Variants in LYPD6B observed in about 807,000 individuals in gnomAD.
The protein encoded by LYPD6B is ly6/PLAUR domain-containing protein 6B.
In LYPD6B, 17 loss-of-function variants were observed where a neutral mutation model predicts 22.8. That is an observed-to-expected ratio of 0.75 (90% CI 0.51 to 1.12). The LOEUF (loss-of-function observed/expected upper bound fraction) is 1.12, where lower values mean the gene tolerates loss of function less well. LYPD6B is among the 50% of genes most tolerant of loss of function. LYPD6B has a pLI of 0.00. For synonymous variants in LYPD6B, 106 were observed against 91.6 expected (o/e 1.16, Z -0.90); for missense variants, 221 against 258.3 (o/e 0.86, Z 0.99).
intron 1 of LYPD6B, among the ~76,000 whole-genome samples, chr2:149,103,038 C>G (rs1686289309): frequency 6.6e-6 from 1 of 152,188 alleles, no homozygotes; most frequent in Non-Finnish European, 1.5e-5. Context: ...CTTCTATGTA[C>G]ACATACACCA....
chr2:149,075,606 A>G (rs559741064), intron 1 of LYPD6B, among the ~76,000 whole-genome samples: 1 of 152,324 alleles, frequency 6.6e-6, no homozygotes, highest in Non-Finnish European at 1.5e-5. Flanking sequence ...ATTTTTTGTA[A>G]GTGAAGGAAT....
intron 3 of LYPD6B, among the ~76,000 whole-genome samples, chr2:149,169,505 T>C (rs1690676434): frequency 6.6e-6 from 1 of 152,178 alleles, no homozygotes; most frequent in Non-Finnish European, 1.5e-5. Flanking sequence ...TGTGTTTGGC[T>C]TGTTTCAAAA....
chr2:149,126,866 A>T (rs981618971), intron 1 of LYPD6B, among the ~76,000 whole-genome samples: 1 of 151,044 alleles, frequency 6.6e-6, no homozygotes, highest in African/African-American at 2.4e-5. Flanking sequence ...TCTGTGCTTC[A>T]TGCCTCTTAA....
chr2:149,186,594 C>A (rs571661145), intron 3 of LYPD6B, among the ~76,000 whole-genome samples: 1 of 152,288 alleles, frequency 6.6e-6, no homozygotes, highest in Admixed American at 6.5e-5. Flanking sequence ...CACTAAACAA[C>A]AGTTTTTTGT....
chr2:149,140,408 A>G (rs73017041), intron 2 of LYPD6B, among the ~76,000 whole-genome samples: 1,716 of 152,264 alleles, frequency 0.011, 26 homozygotes, highest in African/African-American at 0.038. Flanking sequence ...TGTCCCCATG[A>G]TTCCCTCACA....
intron 2 of LYPD6B, among the ~76,000 whole-genome samples, chr2:149,146,835 G>A (rs968211737): frequency 6.6e-6 from 1 of 152,256 alleles, no homozygotes; most frequent in Non-Finnish European, 1.5e-5. Flanking sequence ...AGACCCTTGC[G>A]CTTACCTGCC....
intron 2 of LYPD6B, among the ~76,000 whole-genome samples, chr2:149,156,203 A>C (rs1314348175): frequency 1.3e-5 from 2 of 152,182 alleles, no homozygotes; most frequent in Non-Finnish European, 2.9e-5. Context: ...ATCAGAGGGC[A>C]TGGGGAAGGC....
At chr2:149,195,770 A>G (rs1692770970) in intron 3 of LYPD6B, among the ~76,000 whole-genome samples, 1 of 152,194 alleles carries the variant, frequency 6.6e-6, no homozygotes, top group African/African-American at 2.4e-5. Context: ...AAGTGATTTA[A>G]TAATTTGACA....
At chr2:149,178,327 G>T (rs562363715) in intron 3 of LYPD6B, among the ~76,000 whole-genome samples, 73 of 152,210 alleles carry the variant, frequency 4.8e-4, no homozygotes, top group Non-Finnish European at 8.5e-4. Flanking sequence ...TCATCTTTTA[G>T]AAATTTATTT....
intron 4 of LYPD6B, 92 bp from the exon 5 acceptor site, chr2:149,208,222 A>G (rs1335924204): frequency 8.7e-6 from 7 of 800,374 alleles, no homozygotes; most frequent in Non-Finnish European, 1.3e-5. Context: ...GTTTTGTTTC[A>G]TCTGTTAAAG....
intron 4 of LYPD6B, among the ~76,000 whole-genome samples, chr2:149,207,042 T>C: frequency 6.6e-6 from 1 of 152,270 alleles, no homozygotes; most frequent in South Asian, 2.1e-4. Flanking sequence ...TTTCCTGGAA[T>C]TGGAATTACT....
chr2:149,145,519 G>T (rs1029407435), intron 2 of LYPD6B, among the ~76,000 whole-genome samples: 1 of 152,174 alleles, frequency 6.6e-6, no homozygotes, highest in East Asian at 1.9e-4. Context: ...GATGCCTTCC[G>T]GCAAGCCTGA....
chr2:149,066,950 T>A (rs1684363977), intron 1 of LYPD6B, among the ~76,000 whole-genome samples: 1 of 152,146 alleles, frequency 6.6e-6, no homozygotes, highest in Non-Finnish European at 1.5e-5. Context: ...CTTTTCAACC[T>A]TTGCACCCCT....
In LYPD6B at chr2:149,205,297, T is replaced by A. The variant is rs549368617; in HGVS notation, c.122T>A (p.Leu41His). 1.9e-6 allele frequency: 3 copies of A among 1,613,974 alleles called. No individual in the cohort carries two copies. The highest frequency in any genetic ancestry group is 3.3e-5 in the Admixed American group (2 of 60,020). ...DRPAHKVSML[L>H]LCHALAIAVV... Reference sequence around the variant, plus strand: ...CCAGCACACAAGGTCAGCATGCTGCTCCTCTGTCACGCTCTCGCTATAGCT... The same window carrying A: ...CCAGCACACAAGGTCAGCATGCTGCACCTCTGTCACGCTCTCGCTATAGCT... Residue 41 changes from leucine to histidine, a missense_variant, in exon 4 of 7, where the codon CTC (leucine) becomes CAC (histidine). Leu to His is a moderately conservative substitution (Grantham distance 99). Coordinates refer to ENST00000409642, the MANE Select transcript of LYPD6B (RefSeq NM_177964.5).
At chr2:149,047,567 G>A (rs1193944197) in intron 1 of LYPD6B, among the ~76,000 whole-genome samples, 1 of 150,544 alleles carries the variant, frequency 6.6e-6, no homozygotes, top group East Asian at 1.9e-4. Flanking sequence ...GCCTGGGAGT[G>A]TGTGTGTGTG....
At chr2:149,163,435 C>G (rs1690213113) in intron 3 of LYPD6B, among the ~76,000 whole-genome samples, 1 of 152,124 alleles carries the variant, frequency 6.6e-6, no homozygotes, top group African/African-American at 2.4e-5. Flanking sequence ...GGTATGAAAT[C>G]AACAAACAGA....
intron 1 of LYPD6B, among the ~76,000 whole-genome samples, chr2:149,054,370 T>C (rs575058298): frequency 6.6e-6 from 1 of 152,354 alleles, no homozygotes; most frequent in East Asian, 1.9e-4. Context: ...TTTTTTGATA[T>C]GCTTACTGGC....
intron 1 of LYPD6B, among the ~76,000 whole-genome samples, chr2:149,054,202 T>C (rs1164124086): frequency 6.6e-6 from 1 of 152,252 alleles, no homozygotes; most frequent in Non-Finnish European, 1.5e-5. Flanking sequence ...TGTGCCATTT[T>C]ACATTCCCAC....
chr2:149,145,717 C>A (rs1263544115), intron 2 of LYPD6B, among the ~76,000 whole-genome samples: 1 of 152,184 alleles, frequency 6.6e-6, no homozygotes, highest in Non-Finnish European at 1.5e-5. Flanking sequence ...AAGTTGGCAT[C>A]CTCCACCCCT....
Sources: allele counts gnomAD v4.1 joint callset (sites outside exome capture counted in the v4.1 genomes callset), GRCh38; gene constraint gnomAD v4.1.1; transcripts MANE v1.5; gene names NCBI Gene and HGNC (gene_info 2026-07-23, HGNC 2026-07-21).